DCC: variants seen among roughly 807,000 people sequenced by gnomAD.
DCC encodes the protein netrin receptor DCC.
In DCC, 58 loss-of-function variants were observed where a neutral mutation model predicts 172.5. The observed-to-expected ratio is 0.34, with a 90% CI of 0.27 to 0.42. The LOEUF is 0.42. DCC is among the 10% of genes least tolerant of loss of function. DCC has a pLI of 1.00. For missense variants in DCC, 1,740 were observed against 1,791.0 expected, an observed-to-expected ratio of 0.97 and a Z score of 0.51; for synonymous variants, 709 against 644.5, an observed-to-expected ratio of 1.10 and a Z score of -1.52.
intron 12 of DCC, among the ~76,000 whole-genome samples, chr18:53,304,202 G>A (rs12955667): frequency 0.14 from 21,344 of 152,078 alleles, 2,190 homozygotes; most frequent in African/African-American, 0.28. Flanking sequence ...ACATTTGGGT[G>A]TGAAAACAGG....
chr18:52,917,910 C>T (rs2040064629), intron 3 of DCC, among the ~76,000 whole-genome samples: 1 of 152,114 alleles, frequency 6.6e-6, no homozygotes, highest in Non-Finnish European at 1.5e-5. Context: ...TGTACATTTA[C>T]GTTCATGAGC....
intron 15 of DCC, among the ~76,000 whole-genome samples, chr18:53,358,502 T>G (rs1212835973): frequency 4.1e-5 from 6 of 147,740 alleles, no homozygotes; most frequent in Admixed American, 4.0e-4. Context: ...TGGAGGATAC[T>G]AAGAAATGTA....
chr18:52,472,164 G>A (rs1384992636), intron 1 of DCC, among the ~76,000 whole-genome samples: 1 of 152,072 alleles, frequency 6.6e-6, no homozygotes, highest in East Asian at 1.9e-4. Flanking sequence ...AGTCTCACAG[G>A]GCTCTTCCAG....
rs577876395 is a variant in DCC at position 52,579,283 on chromosome 18, A to G, written c.92-172771A>G. On this transcript the variant is annotated intron_variant, in intron 1 of 28. Coordinates refer to ENST00000442544, the MANE Select transcript of DCC (RefSeq NM_005215.4). ...ATTTTTGCTTGGGAGATTTCTTTAT[A>G]AAGATAAATATATACAAAGTATTAT... Among the ~76,000 whole-genome samples, 9 of 152,274 alleles carry G rather than the reference A, an allele frequency of 5.9e-5. No individual in the cohort carries two copies. The South Asian group carries it at 1.9e-3, about 32-fold the overall frequency.
chr18:53,156,675 G>T (rs1184176325), intron 7 of DCC, among the ~76,000 whole-genome samples: 1 of 151,964 alleles, frequency 6.6e-6, no homozygotes, highest in African/African-American at 2.4e-5. Context: ...GGCCCTCTTA[G>T]CTCTTCTTAG....
rs11082979 is a variant in DCC, at chr18:53,329,097, C to A, written c.2164+6940C>A. The stretch of plus-strand genomic sequence containing the variant: ...AATTATAGCAATAGATTGAAGAGGG[C>A]GTTTTGTGGAATTAGGCAGTTTTTT... On this transcript the variant is annotated intron_variant, in intron 14 of 28. Coordinates refer to ENST00000442544, the MANE Select transcript of DCC (RefSeq NM_005215.4). Among the ~76,000 whole-genome samples, 561 of 151,876 alleles carry A rather than the reference C, an allele frequency of 3.7e-3. 23 individuals carry two copies. The East Asian group carries it at 0.091, about 25-fold the overall frequency.
At chr18:53,159,669 A>C (rs918227317) in intron 8 of DCC, among the ~76,000 whole-genome samples, 1 of 152,178 alleles carries the variant, frequency 6.6e-6, no homozygotes, top group African/African-American at 2.4e-5. Context: ...ATATCTGTCT[A>C]TCTGTATGCA....
At chr18:53,277,920 C>T (rs2056824682) in intron 12 of DCC, among the ~76,000 whole-genome samples, 2 of 152,200 alleles carry the variant, frequency 1.3e-5, no homozygotes, top group South Asian at 4.2e-4. Flanking sequence ...ATGGCATATT[C>T]CTGGGTCTTG....
intron 27 of DCC, among the ~76,000 whole-genome samples, chr18:53,521,589 C>A (rs1213657530): frequency 6.6e-6 from 1 of 152,088 alleles, no homozygotes; most frequent in African/African-American, 2.4e-5. Context: ...TTTTACGTTT[C>A]TCAGAACAGG....
chr18:52,724,873 A>T (rs1054536794), intron 1 of DCC, among the ~76,000 whole-genome samples: 1 of 152,170 alleles, frequency 6.6e-6, no homozygotes, highest in Admixed American at 6.5e-5. Flanking sequence ...TTCACTACTA[A>T]GGAAGCCTAA....
At chr18:52,616,580 A>T (rs888131675) in intron 1 of DCC, among the ~76,000 whole-genome samples, 1 of 152,156 alleles carries the variant, frequency 6.6e-6, no homozygotes, top group African/African-American at 2.4e-5. Context: ...AAAAAGACTG[A>T]TAACTATTCC....
chr18:52,885,218 G>T (rs887790655), intron 2 of DCC, among the ~76,000 whole-genome samples: 2 of 152,138 alleles, frequency 1.3e-5, no homozygotes, highest in Non-Finnish European at 2.9e-5. Context: ...GGGCAAGCCA[G>T]TCATGTTTGT....
intron 12 of DCC, among the ~76,000 whole-genome samples, chr18:53,238,791 CATTGTATGGGTAAATTT>C (rs2056242683): frequency 6.6e-6 from 1 of 152,208 alleles, no homozygotes; most frequent in Non-Finnish European, 1.5e-5. Context: ...AGGAGAACCT[CATTGTATGGGTAAATTT>C]TCCTACATAA....
intron 7 of DCC, among the ~76,000 whole-genome samples, chr18:53,123,168 G>A (rs1252362952): frequency 6.6e-6 from 1 of 152,044 alleles, no homozygotes; most frequent in African/African-American, 2.4e-5. Flanking sequence ...TGTGCAATAT[G>A]CAAATACATT....
intron 1 of DCC, among the ~76,000 whole-genome samples, chr18:52,474,206 TAGAG>T (rs61277582): frequency 0.011 from 1,147 of 100,706 alleles, 9 homozygotes; most frequent in East Asian, 0.078. Flanking sequence ...GTAACAGACC[TAGAG>T]AGAGAGAGAG....
intron 5 of DCC, among the ~76,000 whole-genome samples, chr18:53,023,975 T>G (rs2041920871): frequency 6.6e-6 from 1 of 152,130 alleles, no homozygotes. Flanking sequence ...TATGTTATGG[T>G]TCAGTTATGG....
intron 5 of DCC, among the ~76,000 whole-genome samples, chr18:52,964,537 T>C (rs1189575072): frequency 6.6e-6 from 1 of 152,252 alleles, no homozygotes; most frequent in Non-Finnish European, 1.5e-5. Context: ...CAATCGATCG[T>C]AATTGATTTA....
intron 5 of DCC, among the ~76,000 whole-genome samples, chr18:52,934,479 A>AT (rs1427935911): frequency 1.3e-5 from 2 of 152,092 alleles, no homozygotes; most frequent in African/African-American, 4.8e-5. Flanking sequence ...AAACCCTTAG[A>AT]TTTTTATCTA....
At chr18:52,952,082 A>T (rs1196644968) in intron 5 of DCC, among the ~76,000 whole-genome samples, 1 of 152,196 alleles carries the variant, frequency 6.6e-6, no homozygotes, top group Admixed American at 6.5e-5. Context: ...CAATCTATAT[A>T]TTATGATCAC....
Sources: gnomAD v4.1 joint callset for allele counts (sites outside exome capture counted in the v4.1 genomes callset) on GRCh38, gnomAD v4.1.1 for gene constraint, MANE v1.5 for transcripts, NCBI Gene and HGNC (gene_info 2026-07-23, HGNC 2026-07-21) for gene names.